Variants in KALRN observed in about 807,000 individuals in gnomAD.
KALRN encodes the protein kalirin RhoGEF kinase.
KALRN carries 70 observed loss-of-function variants against 353.7 expected under a neutral mutation model. That is an observed-to-expected ratio of 0.20 (90% confidence interval 0.16 to 0.24). The LOEUF (loss-of-function observed/expected upper bound fraction) is 0.24, where lower values mean the gene tolerates loss of function less well. Among genes scored for constraint, KALRN ranks in the 10% least tolerant of loss-of-function variants. The pLI is 1.00. For synonymous variants in KALRN, 1,391 were observed against 1,434.8 expected, an observed-to-expected ratio of 0.97 and a Z score of 0.69; for missense variants, 2,791 against 3,756.7, an observed-to-expected ratio of 0.74 and a Z score of 6.72.
rs764036570 is a variant in KALRN at position 124,496,746 on chromosome 3, G to C, written c.4935+333G>C. ...GCTTCTTGGGCTGCTGTGCCTTCTG[G>C]GGGGATGGATCTCAGTGAGGCTGAG... On this transcript the variant is annotated intron_variant, in intron 33 of 59. Transcript: ENST00000682506. Among the ~76,000 whole-genome samples the C allele has an allele frequency of 2.0e-4, 31 of 152,204 alleles. 1 individual carries two copies. Among genetic ancestry groups the C allele is most frequent in the Admixed American group, 5.2e-4 (8 of 15,282 alleles).
chr3:124,104,434 C>T (rs1027670112), intron 1 of KALRN, among the ~76,000 whole-genome samples: 7 of 152,080 alleles, frequency 4.6e-5, no homozygotes, highest in African/African-American at 1.2e-4. Context: ...CCCTGAATTA[C>T]GAGGATGGAA....
At chr3:124,440,138 C>G (rs925630523) in intron 18 of KALRN, among the ~76,000 whole-genome samples, 1 of 152,008 alleles carries the variant, frequency 6.6e-6, no homozygotes, top group African/African-American at 2.4e-5. Context: ...TCAGCTCTTA[C>G]TAGTAAGACT....
At chr3:124,076,731 C>T (rs1376602925) in intron 1 of KALRN, among the ~76,000 whole-genome samples, 1 of 152,194 alleles carries the variant, frequency 6.6e-6, no homozygotes, top group Admixed American at 6.5e-5. Context: ...TGAGTGGCAG[C>T]AATCAGGGAC....
At chr3:124,560,560 T>C (rs1369319094) in intron 33 of KALRN, among the ~76,000 whole-genome samples, 1 of 152,250 alleles carries the variant, frequency 6.6e-6, no homozygotes, top group Admixed American at 6.5e-5. Context: ...TAGTGTTCCC[T>C]GGTCAAAATA....
chr3:124,524,776 TGA>T (rs1338650364), intron 33 of KALRN, among the ~76,000 whole-genome samples: 2 of 152,196 alleles, frequency 1.3e-5, no homozygotes, highest in Non-Finnish European at 2.9e-5. Context: ...TTTATGAGGA[TGA>T]GTCTCTTAAA....
chr3:124,386,655 T>G (rs2088375703), intron 11 of KALRN, among the ~76,000 whole-genome samples: 2 of 152,210 alleles, frequency 1.3e-5, no homozygotes, highest in Non-Finnish European at 2.9e-5. Flanking sequence ...CTAAGGCCCC[T>G]TATGGTTCTA....
chr3:124,566,765 C>T (rs1001841933), intron 34 of KALRN, among the ~76,000 whole-genome samples: 2 of 152,134 alleles, frequency 1.3e-5, no homozygotes, highest in Non-Finnish European at 2.9e-5. Context: ...GGGTGCTTTA[C>T]CTTATAAGTT....
At chr3:124,111,546 C>T (rs1424437089) in intron 1 of KALRN, among the ~76,000 whole-genome samples, 2 of 152,120 alleles carry the variant, frequency 1.3e-5, no homozygotes, top group East Asian at 1.9e-4. Flanking sequence ...GGGTTAATGG[C>T]CACTGGGTAG....
At position 124,650,320 on chromosome 3, in the gene KALRN, A is replaced by G. The variant is rs529522955; in HGVS notation, c.5665-488A>G. On this transcript the variant is annotated intron_variant, in intron 37 of 59. Coordinates refer to ENST00000682506, the MANE Select transcript of KALRN (RefSeq NM_001388419.1). ...CCTTAGAAATCTGTAGAGAGGGAAGATTTAATTTGAAAACTGAGAAAAACT... is the reference window on the plus strand; with the variant it reads ...CCTTAGAAATCTGTAGAGAGGGAAGGTTTAATTTGAAAACTGAGAAAAACT... Among the ~76,000 whole-genome samples the G allele has an allele frequency of 1.5e-4, 23 of 152,332 alleles. No individual in the cohort carries two copies. In the East Asian group the frequency reaches 3.9e-3, roughly 26 times the overall value.
intron 34 of KALRN, chr3:124,584,908 T>G: frequency 3.1e-6 from 5 of 1,598,770 alleles, no homozygotes; most frequent in Non-Finnish European, 4.3e-6. Context: ...CGTGTAGAGG[T>G]GAGTGGCTGT....
intron 26 of KALRN, 113 bp from the exon 27 acceptor site, chr3:124,477,132 G>A: frequency 1.6e-6 from 1 of 623,172 alleles, no homozygotes; most frequent in Non-Finnish European, 2.8e-6. Flanking sequence ...AGAAAATCTA[G>A]ACACTGGTGT....
chr3:124,077,939 G>C (rs2149301502), intron 1 of KALRN, among the ~76,000 whole-genome samples: 1 of 152,292 alleles, frequency 6.6e-6, no homozygotes, highest in East Asian at 1.9e-4. Context: ...GGACCCGTTT[G>C]CTTCTTTGTG....
At chr3:124,569,879 A>C (rs183693835) in intron 34 of KALRN, among the ~76,000 whole-genome samples, 1 of 152,270 alleles carries the variant, frequency 6.6e-6, no homozygotes, top group Admixed American at 6.5e-5. Context: ...GTGCTTTGCC[A>C]ACTAATAAGA....
At chr3:124,679,705 A>T in intron 51 of KALRN, 188 bp downstream of exon 51, 2 of 671,358 alleles carry the variant, frequency 3.0e-6, no homozygotes, top group Non-Finnish European at 2.8e-6. Context: ...TTGGTAGAAA[A>T]CTCTACCTAG....
At chr3:124,245,195 A>C (rs1223762045) in intron 3 of KALRN, among the ~76,000 whole-genome samples, 2 of 151,706 alleles carry the variant, frequency 1.3e-5, no homozygotes, top group Non-Finnish European at 2.9e-5. Flanking sequence ...TACCTGTGTG[A>C]GTTGTTTTTT....
intron 32 of KALRN, among the ~76,000 whole-genome samples, chr3:124,495,961 GTATGTATATATATATATATA>G (rs1561135554): frequency 2.6e-5 from 1 of 37,894 alleles, no homozygotes; most frequent in Non-Finnish European, 5.1e-5. Flanking sequence ...GTATGTGTAT[GTATGTATATATATATATATA>G]TATATATATA....
chr3:124,438,980 C>G lies in KALRN; in HGVS notation c.3141C>G (p.Ile1047Met). Residue 1047 changes from isoleucine to methionine, a missense_variant, in exon 18 of 60, where the codon ATC (isoleucine) becomes ATG (methionine). Physicochemically the swap from Ile to Met is conservative, Grantham distance 10 (BLOSUM62 1). This residue lies in a region of KALRN where 452 missense variants were observed against 575.8 expected (regional missense o/e 0.78). Transcript: ENST00000682506. Reference protein sequence around the residue: ...GRDKLGPAAEIDHVIPLISKH... With the variant: ...GRDKLGPAAEMDHVIPLISKH... The stretch of plus-strand genomic sequence containing the variant: ...ATAAGCTGGGGCCAGCAGCAGAGAT[C>G]GACCATGTCATTCCCCTCATCAGCA... 6.2e-7 allele frequency: 1 copy of G among 1,614,052 alleles called. No individual in the cohort carries two copies. Among genetic ancestry groups the G allele is most frequent in the Non-Finnish European group, 8.5e-7 (1 of 1,179,992 alleles).
chr3:124,446,622 T>C, intron 20 of KALRN, 141 bp from the exon 21 acceptor site: 1 of 1,046,114 alleles, frequency 9.6e-7, no homozygotes, highest in South Asian at 1.6e-5. Context: ...AAAAAAAAAC[T>C]CCAGAGCTAC....
intron 19 of KALRN, among the ~76,000 whole-genome samples, chr3:124,443,930 A>G (rs575955880): frequency 6.6e-5 from 10 of 152,296 alleles, no homozygotes; most frequent in South Asian, 4.2e-4. Context: ...TCCTTGCCCA[A>G]TTGAAGCTTC....
Sources: allele counts gnomAD v4.1 joint callset (sites outside exome capture counted in the v4.1 genomes callset), GRCh38; gene constraint gnomAD v4.1.1; regional missense constraint gnomAD v4.1.1; transcripts MANE v1.5; gene names NCBI Gene and HGNC (gene_info 2026-07-23, HGNC 2026-07-21).